MYOF: variants seen among roughly 807,000 people sequenced by gnomAD.
MYOF encodes the protein fer-1-like 3, myoferlin.
A neutral mutation model predicts 284.2 loss-of-function variants in MYOF; 244 were observed. That is an observed-to-expected ratio of 0.86 (90% CI 0.77 to 0.95). MYOF has a LOEUF of 0.95. Among genes scored for constraint, MYOF ranks in the 40% least tolerant of loss-of-function variants. The probability of loss-of-function intolerance (pLI) is 0.00; values close to 1 mark genes in which losing one functional copy is unlikely to be tolerated. For synonymous variants in MYOF, 904 were observed against 919.7 expected (o/e 0.98, Z 0.31); for missense variants, 2,496 against 2,560.6 (o/e 0.97, Z 0.54).
rs774470091 is a variant in MYOF, at chr10:93,404,089, G to C, written c.793-16C>G. 1.9e-6 allele frequency: 3 copies of C among 1,614,034 alleles called. No individual in the cohort carries two copies. The highest frequency in any genetic ancestry group is 2.5e-6 in the Non-Finnish European group (3 of 1,179,974). ...AATTATAAACCTGGAAGAAAGAAGAGTAGTGAAGAAATGATTGGCTTTGCC... is the reference window on the plus strand; with the variant it reads ...AATTATAAACCTGGAAGAAAGAAGACTAGTGAAGAAATGATTGGCTTTGCC... On this transcript the variant is annotated splice_polypyrimidine_tract_variant and intron_variant, in intron 8 of 53. Coordinates refer to ENST00000359263, the MANE Select transcript of MYOF (RefSeq NM_013451.4).
chr10:93,472,498 G>A (rs905097927), intron 1 of MYOF, among the ~76,000 whole-genome samples: 1 of 152,054 alleles, frequency 6.6e-6, no homozygotes, highest in Non-Finnish European at 1.5e-5. Context: ...AATTAGCCAG[G>A]CATGGTGGCA....
At chr10:93,419,906 CG>C (rs1848286179) in intron 5 of MYOF, among the ~76,000 whole-genome samples, 1 of 151,988 alleles carries the variant, frequency 6.6e-6, no homozygotes, top group African/African-American at 2.4e-5. Flanking sequence ...CCGAGGCTGG[CG>C]GATCACCTGA....
At position 93,399,470 on chromosome 10, in the gene MYOF, T is replaced by A. The variant is rs1363972380; in HGVS notation, c.1143A>T (p.Val381=). Residue 381 remains valine (V), a synonymous_variant, in exon 13 of 54, where the codon GTA becomes GTT. Transcript: ENST00000359263. ...PQMDDAFSQT[V]KEIFGGNADK... ...CTGCATTGCCTCCAAATATTTCCTT[T>A]ACTGTCTGTGAGAAGGCATCATCCA... is the stretch of plus-strand genomic sequence containing the variant. The A allele has an allele frequency of 1.2e-6, 2 of 1,613,188 alleles. No homozygotes were observed. The highest frequency in any genetic ancestry group is 2.7e-5 in the African/African-American group (2 of 74,940).
chr10:93,471,092 T>G (rs1412158529), intron 1 of MYOF, among the ~76,000 whole-genome samples: 1 of 151,952 alleles, frequency 6.6e-6, no homozygotes, highest in Non-Finnish European at 1.5e-5. Context: ...GGAGGTGAAA[T>G]GAAGTGGACC....
intron 1 of MYOF, among the ~76,000 whole-genome samples, chr10:93,463,643 A>T (rs2056935910): frequency 1.3e-5 from 2 of 151,254 alleles, no homozygotes; most frequent in Non-Finnish European, 2.9e-5. Context: ...CAAATGATCC[A>T]CCCGTCTCGG....
Position 93,325,874 on chromosome 10 carries a change from G to A in MYOF, c.5223C>T (p.His1741=), listed in dbSNP as rs200608203. ...TGCTGTGCAAAGTCCTTGTTTCCAC[G>A]TGCTCAGGGACCAGCCCCTGAGTCC... ...ILRTQGLVPE[H]VETRTLHSTF... is the part of the protein sequence containing the mutation. The change falls in exon 46 of 54, where the codon CAC becomes CAT. Residue 1741 remains histidine (H), a synonymous_variant. Transcript: ENST00000359263. 613 of 1,614,070 alleles carry A rather than the reference G, an allele frequency of 3.8e-4. 8 individuals carry two copies. In the South Asian group the frequency reaches 6.1e-3, roughly 16 times the overall value.
chr10:93,312,803 A>G (rs1289932843), intron 51 of MYOF, among the ~76,000 whole-genome samples: 1 of 152,132 alleles, frequency 6.6e-6, no homozygotes, highest in Non-Finnish European at 1.5e-5. Context: ...CAACTTCTTC[A>G]CCTTCCTCCA....
At chr10:93,456,975 T>TA (rs771445198) in intron 1 of MYOF, 38 bp from the exon 2 acceptor site, 30 of 1,504,060 alleles carry the variant, frequency 2.0e-5, no homozygotes, top group African/African-American at 2.8e-5. Flanking sequence ...CAATCATTTA[T>TA]AAAAAAATTA....
chr10:93,396,079 T>C, intron 16 of MYOF, 63 bp downstream of exon 16: 1 of 1,365,690 alleles, frequency 7.3e-7, no homozygotes. Flanking sequence ...CCAGTTCATT[T>C]TTTTCTCAGA....
chr10:93,356,443 A>T (rs1225553971), intron 30 of MYOF, among the ~76,000 whole-genome samples: 1 of 152,212 alleles, frequency 6.6e-6, no homozygotes, highest in Non-Finnish European at 1.5e-5. Context: ...CACTAGGTAA[A>T]GCAGGTGTGT....
At chr10:93,471,553 C>A (rs1190241305) in intron 1 of MYOF, among the ~76,000 whole-genome samples, 1 of 152,118 alleles carries the variant, frequency 6.6e-6, no homozygotes, top group South Asian at 2.1e-4. Flanking sequence ...CCTCAGCTCC[C>A]TCATAGGGAA....
intron 16 of MYOF, among the ~76,000 whole-genome samples, chr10:93,393,862 A>G (rs1454435135): frequency 1.3e-5 from 2 of 152,244 alleles, no homozygotes; most frequent in African/African-American, 4.8e-5. Flanking sequence ...CACTTTGTTC[A>G]GAGCTTTGGC....
chr10:93,326,327 G>A (rs1044002655), intron 45 of MYOF, among the ~76,000 whole-genome samples: 3 of 152,196 alleles, frequency 2.0e-5, no homozygotes, highest in Non-Finnish European at 4.4e-5. Context: ...AGGGTAACAT[G>A]GGTAGAAGTG....
intron 3 of MYOF, among the ~76,000 whole-genome samples, chr10:93,443,808 C>T (rs892189560): frequency 1.1e-4 from 17 of 152,240 alleles, no homozygotes; most frequent in Non-Finnish European, 1.8e-4. Context: ...CTTAGCATAA[C>T]GGAACTACAG....
intron 12 of MYOF, 56 bp downstream of exon 12, chr10:93,401,362 A>G: frequency 6.3e-7 from 1 of 1,593,132 alleles, no homozygotes; most frequent in Non-Finnish European, 8.6e-7. Context: ...GATTTTTAAC[A>G]CATTTCATCA....
At chr10:93,362,862 C>T (rs1181904281) in intron 27 of MYOF, among the ~76,000 whole-genome samples, 2 of 152,034 alleles carry the variant, frequency 1.3e-5, no homozygotes, top group African/African-American at 2.4e-5. Flanking sequence ...ATTTATAAAA[C>T]CTTTTTGAAG....
At chr10:93,315,820 C>T (rs1203950261) in intron 50 of MYOF, among the ~76,000 whole-genome samples, 1 of 151,878 alleles carries the variant, frequency 6.6e-6, no homozygotes, top group Non-Finnish European at 1.5e-5. Context: ...CAGGGAAGGC[C>T]TGTATTCAAA....
At chr10:93,408,700 A>T in intron 7 of MYOF, 87 bp downstream of exon 7, 1 of 1,550,166 alleles carries the variant, frequency 6.5e-7, no homozygotes, top group Non-Finnish European at 8.8e-7. Context: ...CTTGGAACTC[A>T]GTGGTGTCTT....
At chr10:93,419,546 AAC>A (rs1401894368) in intron 5 of MYOF, among the ~76,000 whole-genome samples, 1 of 152,168 alleles carries the variant, frequency 6.6e-6, no homozygotes, top group Non-Finnish European at 1.5e-5. Context: ...TCACTCAACC[AAC>A]CAAGCATTTA....
Sources: allele counts gnomAD v4.1 joint callset (sites outside exome capture counted in the v4.1 genomes callset), GRCh38; gene constraint gnomAD v4.1.1; transcripts MANE v1.5; gene names NCBI Gene and HGNC (gene_info 2026-07-23, HGNC 2026-07-21).